The following AJUBA variants were observed in gnomAD, a reference collection of about 807,000 sequenced individuals.
The protein encoded by AJUBA is ajuba LIM protein.
Under a neutral mutation model 53.3 loss-of-function variants are expected in AJUBA, and 20 were observed. The observed-to-expected ratio is 0.38, with a 90% CI of 0.26 to 0.55. AJUBA has a LOEUF of 0.55. Among genes scored for constraint, AJUBA ranks in the 20% least tolerant of loss-of-function variants. The pLI is 0.80. For missense variants in AJUBA, 580 were observed against 730.5 expected, an observed-to-expected ratio of 0.79 and a Z score of 2.38; for synonymous variants, 296 against 306.2, an observed-to-expected ratio of 0.97 and a Z score of 0.35.
rs761013397 is a variant in AJUBA at position 22,981,245 on chromosome 14, C to T, written c.1006+16G>A. 1.3e-6 allele frequency: 2 copies of T among 1,585,054 alleles called. No individual in the cohort carries two copies. Among genetic ancestry groups the T allele is most frequent in the Non-Finnish European group, 1.7e-6 (2 of 1,162,572 alleles). On this transcript the variant is annotated intron_variant, in intron 1 of 7. Coordinates refer to ENST00000262713, the MANE Select transcript of AJUBA (RefSeq NM_032876.6). ...TGACGGGTCCCTTCCCGTCCCTAACCACTTCTCTCACTCACCGAAGTAGTC... is the reference window on the plus strand; with the variant it reads ...TGACGGGTCCCTTCCCGTCCCTAACTACTTCTCTCACTCACCGAAGTAGTC...
chr14:22,978,218 T>A, intron 2 of AJUBA, 126 bp downstream of exon 2: 1 of 878,888 alleles, frequency 1.1e-6, no homozygotes, highest in Non-Finnish European at 1.8e-6. Context: ...AGACACTTGG[T>A]GGGGATCCAA....
chr14:22,976,569 G>A, intron 3 of AJUBA, 51 bp from the exon 4 acceptor site: 1 of 1,612,040 alleles, frequency 6.2e-7, no homozygotes, highest in South Asian at 1.1e-5. Context: ...TGAGAATGAT[G>A]GGTGGTACTC....
chr14:22,981,871 C>A lies in AJUBA; in HGVS notation c.396G>T (p.Ala132=). 1 of 1,535,708 alleles carries A rather than the reference C, an allele frequency of 6.5e-7. No individual in the cohort carries two copies. Among genetic ancestry groups the A allele is most frequent in the Non-Finnish European group, 8.7e-7 (1 of 1,146,522 alleles). ...SSFASSSASD[A]SKPSSPRGSL... is the part of the protein sequence containing the mutation. ...TGCCCCGGGGGCTGGACGGCTTGCT[C>A]GCGTCGCTGGCCGAGCTACTGGCGA... The change falls in exon 1 of 8, where the codon GCG becomes GCT. Residue 132 remains alanine (A), a synonymous_variant. Coordinates refer to ENST00000262713, the MANE Select transcript of AJUBA (RefSeq NM_032876.6).
At chr14:22,978,959 TG>T (rs1242515518) in intron 1 of AJUBA, 2 of 1,289,078 alleles carry the variant, frequency 1.6e-6, no homozygotes, top group Admixed American at 4.6e-5. Flanking sequence ...TTCTCTCCAC[TG>T]CAGACTTCCA....
Position 22,981,708 on chromosome 14 carries a change from G to T in AJUBA, c.559C>A (p.Pro187Thr), listed in dbSNP as rs2045099187. The T allele has an allele frequency of 6.5e-7, 1 of 1,527,162 alleles. No homozygotes were observed. Among genetic ancestry groups the T allele is most frequent in the Non-Finnish European group, 8.8e-7 (1 of 1,141,316 alleles). 94.6% of individuals were successfully genotyped at this position (1,527,162 alleles called of 1,614,324 possible). ...LPAGPCLFGP[P>T]LAGAPAGYSP... ...TAGCCTGCCGGTGCTCCGGCCAGGG[G>T]TGGGCCAAACAGGCACGGCCCCGCT... The change falls in exon 1 of 8, where the codon CCC (proline) becomes ACC (threonine). Residue 187 changes from proline to threonine, a missense_variant. Pro to Thr is a conservative substitution (Grantham distance 38). This residue lies in a region of AJUBA where 430 missense variants were observed against 471.5 expected (regional missense o/e 0.91). Transcript: ENST00000262713.
intron 2 of AJUBA, 30 bp downstream of exon 2, chr14:22,978,314 G>A: frequency 6.3e-7 from 1 of 1,585,190 alleles, no homozygotes. Context: ...GCAGGGGAGG[G>A]GAGTGCTTGA....
intron 1 of AJUBA, among the ~76,000 whole-genome samples, chr14:22,980,248 G>A (rs983400930): frequency 1.3e-5 from 2 of 152,344 alleles, no homozygotes; most frequent in African/African-American, 2.4e-5. Context: ...CAGATTCGAA[G>A]TTTTTTATGT....
intron 1 of AJUBA, among the ~76,000 whole-genome samples, chr14:22,980,832 C>A (rs932118787): frequency 2.6e-4 from 40 of 152,008 alleles, no homozygotes; most frequent in African/African-American, 9.2e-4. Context: ...CGCCCCCCCA[C>A]CCGCGCATTC....
chr14:22,981,907 G>C lies in AJUBA; in HGVS notation c.360C>G (p.Pro120=). 1 of 1,553,112 alleles carries C rather than the reference G, an allele frequency of 6.4e-7. No homozygotes were observed. The highest frequency in any genetic ancestry group is 8.7e-7 in the Non-Finnish European group (1 of 1,153,808). ...RLEPTAPALS[P]RSSFASSSAS... ...CCGAGCTACTGGCGAAGCTAGAGCGGGGGCTGAGGGCCGGGGCCGTGGGCT... is the reference window on the plus strand; with the variant it reads ...CCGAGCTACTGGCGAAGCTAGAGCGCGGGCTGAGGGCCGGGGCCGTGGGCT... The change falls in exon 1 of 8, where the codon CCC becomes CCG. Residue 120 remains proline, a synonymous_variant. Transcript: ENST00000262713.
At chr14:22,980,787 G>C (rs1221903665) in intron 1 of AJUBA, 23 of 566,768 alleles carry the variant, frequency 4.1e-5, no homozygotes, top group South Asian at 7.9e-5. Context: ...TGGAGCGCCC[G>C]GGCAGGAGTC....
In AJUBA at chr14:22,982,366, GGGCACAGGGGA is replaced by G. The variant is rs2045111976; in HGVS notation, c.-111_-101del. 4 of 1,544,684 alleles carry G rather than the reference GGGCACAGGGGA, an allele frequency of 2.6e-6. No individual in the cohort carries two copies. Among genetic ancestry groups the G allele is most frequent in the Non-Finnish European group, 3.5e-6 (4 of 1,155,724 alleles). On this transcript the variant is annotated 5_prime_UTR_variant, in exon 1 of 8. Transcript: ENST00000262713. ...CTGCAGCCGGACTCTGGTTCCCCAG[GGGCACAGGGGA>G]GGCACAGGGGCTTAGCGGGCGGCCT...
At chr14:22,975,126 G>A (rs746201246) in intron 4 of AJUBA, 22 bp from the exon 5 acceptor site, 1 of 1,602,784 alleles carries the variant, frequency 6.2e-7, no homozygotes, top group Non-Finnish European at 8.5e-7. Context: ...GGTAGCAAGA[G>A]AATCAGTCTC....
chr14:22,973,997 CT>C (rs758591250), intron 7 of AJUBA, 49 bp downstream of exon 7: 19 of 1,607,718 alleles, frequency 1.2e-5, no homozygotes, highest in Non-Finnish European at 8.5e-7. Context: ...GACTCCTCCC[CT>C]CTCCCCATTT....
At chr14:22,976,910 TC>T in intron 2 of AJUBA, 198 bp from the exon 3 acceptor site, 1 of 1,408,190 alleles carries the variant, frequency 7.1e-7, no homozygotes. Context: ...CCAGCCAACT[TC>T]CCCTCTCCTC....
Position 22,972,256 on chromosome 14 carries a change from T to C in AJUBA, c.*1187A>G, listed in dbSNP as rs1439715235. 6.6e-6 allele frequency: 1 copy of C among 152,308 alleles called. No individual in the cohort carries two copies. The highest frequency in any genetic ancestry group is 1.5e-5 in the Non-Finnish European group (1 of 68,040). The allele number at this position is 152,308 out of a possible 1,614,324, so 9.4% of individuals were successfully genotyped here. A position where few individuals can be genotyped will look rare whatever the true frequency, so the allele number is the denominator to read the frequency against. On this transcript the variant is annotated 3_prime_UTR_variant, in exon 8 of 8. Coordinates refer to ENST00000262713, the MANE Select transcript of AJUBA (RefSeq NM_032876.6). ...AGTTTTGGGATTGTGATGGATGCAATCCGGGACCCCTCTGAGAGGTGGCAA... is the reference window on the plus strand; with the variant it reads ...AGTTTTGGGATTGTGATGGATGCAACCCGGGACCCCTCTGAGAGGTGGCAA...
chr14:22,979,238 G>T lies in AJUBA; in HGVS notation c.1007-793C>A. The T allele has an allele frequency of 1.3e-6, 1 of 752,028 alleles. No homozygotes were observed. Among genetic ancestry groups the T allele is most frequent in the Non-Finnish European group, 1.6e-6 (1 of 617,242 alleles). The allele number at this position is 752,028 out of a possible 1,614,324, so 46.6% of individuals were successfully genotyped here. On this transcript the variant is annotated intron_variant, in intron 1 of 7. Coordinates refer to ENST00000262713, the MANE Select transcript of AJUBA (RefSeq NM_032876.6). This position sits in a 1 kb window ranked among gnomAD's most constrained non-coding sequence, Gnocchi z 4.0. The stretch of plus-strand genomic sequence containing the variant: ...GCTCTGGGACTTGCCTTTCCTGGGT[G>T]TGTTCTTCCCTCCCTCCACTCCCCA...
In AJUBA at chr14:22,981,590, T is replaced by C; in HGVS notation, c.677A>G (p.Glu226Gly). The C allele has an allele frequency of 6.4e-7, 1 of 1,551,038 alleles. No individual in the cohort carries two copies. The highest frequency in any genetic ancestry group is 8.7e-7 in the Non-Finnish European group (1 of 1,152,576). The change falls in exon 1 of 8, where the codon GAA becomes GGA. Residue 226 changes from glutamate to glycine, a missense_variant. Coordinates refer to ENST00000262713, the MANE Select transcript of AJUBA (RefSeq NM_032876.6). ...AQRPAGFGCQ[E>G]SRHSYPPALG... ...GGCCGGGGGATACGAGTGGCGGCTTTCCTGGCAGCCGAACCCCGCGGGCCG... is the reference window on the plus strand; with the variant it reads ...GGCCGGGGGATACGAGTGGCGGCTTCCCTGGCAGCCGAACCCCGCGGGCCG...
intron 1 of AJUBA, 134 bp from the exon 2 acceptor site, chr14:22,978,579 A>G (rs1395154393): frequency 1.4e-6 from 2 of 1,437,448 alleles, no homozygotes; most frequent in Non-Finnish European, 1.8e-6. Context: ...AGTAGAGAAG[A>G]TAACGAGTAA....
rs749663386 is a variant in AJUBA at position 22,981,926 on chromosome 14, G to A, written c.341C>T (p.Thr114Met). Residue 114 changes from threonine (T) to methionine (M), a missense_variant, in exon 1 of 8, where the codon ACG becomes ATG. Thr to Met is a moderately conservative substitution (Grantham distance 81, BLOSUM62 -1). This residue lies in a region of AJUBA where 430 missense variants were observed against 471.5 expected (regional missense o/e 0.91). Coordinates refer to ENST00000262713, the MANE Select transcript of AJUBA (RefSeq NM_032876.6). ...AGAGCGGGGGCTGAGGGCCGGGGCC[G>A]TGGGCTCCAGCCGAAAATCGGGGGG... ...SLPPDFRLEPTAPALSPRSSF... is the reference protein window; with the variant it reads ...SLPPDFRLEPMAPALSPRSSF... The A allele has an allele frequency of 1.3e-6, 2 of 1,556,896 alleles. No individual in the cohort carries two copies. The highest frequency in any genetic ancestry group is 1.4e-5 in the African/African-American group (1 of 73,332).
Sources: gnomAD v4.1 joint callset for allele counts (sites outside exome capture counted in the v4.1 genomes callset) on GRCh38, gnomAD v4.1.1 for gene constraint, gnomAD v4.1.1 regional missense constraint, Gnocchi (gnomAD v3.1) non-coding constraint, MANE v1.5 for transcripts, NCBI Gene and HGNC (gene_info 2026-07-23, HGNC 2026-07-21) for gene names.